Variants in NELL2 observed in about 807,000 individuals in gnomAD.
The protein encoded by NELL2 is protein kinase C-binding protein NELL2.
Under a neutral mutation model 109.6 loss-of-function variants are expected in NELL2, and 41 were observed. The ratio of observed to expected loss-of-function variants is 0.37; its 90% CI spans 0.29 to 0.49. The LOEUF (loss-of-function observed/expected upper bound fraction) is 0.49, where lower values mean the gene tolerates loss of function less well. Ranked by LOEUF, NELL2 falls within the 20% of genes least tolerant of loss-of-function variation. The pLI, the probability that NELL2 is intolerant of heterozygous loss-of-function variation, is 0.98. For missense variants in NELL2, 900 were observed against 1,008.3 expected (o/e 0.89, Z 1.45); for synonymous variants, 355 against 344.7 (o/e 1.03, Z -0.33).
chr12:44,596,355 T>C (rs1035878534), intron 15 of NELL2, among the ~76,000 whole-genome samples: 1 of 152,188 alleles, frequency 6.6e-6, no homozygotes, highest in East Asian at 1.9e-4. Context: ...AATTTTAATA[T>C]GACAGTCCTA....
At chr12:44,667,450 T>C (rs748178017) in intron 12 of NELL2, among the ~76,000 whole-genome samples, 2 of 152,200 alleles carry the variant, frequency 1.3e-5, no homozygotes, top group Non-Finnish European at 2.9e-5. Context: ...ATTAATGAAC[T>C]TGGCAGTGTT....
intron 2 of NELL2, among the ~76,000 whole-genome samples, chr12:44,858,871 A>G (rs1377218216): frequency 6.6e-6 from 1 of 152,244 alleles, no homozygotes; most frequent in Non-Finnish European, 1.5e-5. Flanking sequence ...AAATTTAACC[A>G]GAATGATAAG....
At chr12:44,865,055 T>C (rs1348272583) in intron 2 of NELL2, among the ~76,000 whole-genome samples, 1 of 135,104 alleles carries the variant, frequency 7.4e-6, no homozygotes, top group Non-Finnish European at 1.6e-5. Flanking sequence ...TTTTAATGAT[T>C]GCCATTCTAA....
intron 3 of NELL2, among the ~76,000 whole-genome samples, chr12:44,800,074 T>A (rs1218135307): frequency 6.6e-6 from 1 of 152,128 alleles, no homozygotes; most frequent in Non-Finnish European, 1.5e-5. Context: ...GACACATTAA[T>A]TCCACAAAGG....
intron 3 of NELL2, among the ~76,000 whole-genome samples, chr12:44,807,501 G>A (rs1943042104): frequency 6.6e-6 from 1 of 151,764 alleles, no homozygotes; most frequent in Non-Finnish European, 1.5e-5. Flanking sequence ...AAGAGCTATA[G>A]ACTCCTAAAA....
chr12:44,862,596 C>T (rs1285455031), intron 2 of NELL2, among the ~76,000 whole-genome samples: 4 of 152,078 alleles, frequency 2.6e-5, no homozygotes, highest in Non-Finnish European at 5.9e-5. Flanking sequence ...TTTGCTTCAG[C>T]CTCAAAAAGC....
At chr12:44,877,291 A>G (rs911854473), upstream of NELL2, among the ~76,000 whole-genome samples, 1 of 152,238 alleles carries the variant, frequency 6.6e-6, no homozygotes, top group Non-Finnish European at 1.5e-5. Flanking sequence ...GTCCGGGACC[A>G]TAAAAGTGGT....
intron 9 of NELL2, among the ~76,000 whole-genome samples, chr12:44,767,656 A>G (rs1217274511): frequency 1.3e-5 from 2 of 152,212 alleles, no homozygotes; most frequent in Non-Finnish European, 2.9e-5. Flanking sequence ...GGGAAGAAAT[A>G]AAATAATAAA....
intron 2 of NELL2, among the ~76,000 whole-genome samples, chr12:44,837,241 T>C (rs2408083): frequency 0.13 from 19,472 of 152,194 alleles, 1,544 homozygotes; most frequent in East Asian, 0.23. Flanking sequence ...TAGGTCAGAG[T>C]TTCTCAATCT....
chr12:44,776,674 A>G (rs1158743801), intron 7 of NELL2, among the ~76,000 whole-genome samples: 2 of 152,196 alleles, frequency 1.3e-5, no homozygotes, highest in Non-Finnish European at 2.9e-5. Context: ...GAAAGCATTT[A>G]TGGGACCATT....
chr12:44,584,258 T>C (rs1042799486), intron 15 of NELL2, among the ~76,000 whole-genome samples: 1 of 152,248 alleles, frequency 6.6e-6, no homozygotes, highest in African/African-American at 2.4e-5. Context: ...TCTACCTTTT[T>C]TAACACTGTA....
At chr12:44,567,792 C>T (rs932770966) in intron 15 of NELL2, among the ~76,000 whole-genome samples, 16 of 152,172 alleles carry the variant, frequency 1.1e-4, no homozygotes, top group Admixed American at 6.5e-5. Flanking sequence ...AAGCTACATA[C>T]GATTGCCCTG....
chr12:44,686,683 G>A lies in NELL2; in HGVS notation c.1318+17043C>T, dbSNP rs1948727786. 2.6e-5 allele frequency among the ~76,000 whole-genome samples: 4 copies of A among 151,712 alleles called. 1 individual carries two copies. Among genetic ancestry groups the A allele is most frequent in the Admixed American group, 2.6e-4 (4 of 15,266 alleles). ...GTTGGAGTACCCGGCCGTGTGAGGT[G>A]TCAGTCTGCCCCTGCTGGGGGGTGC... On this transcript the variant is annotated intron_variant, in intron 12 of 19. Coordinates refer to ENST00000429094, the MANE Select transcript of NELL2 (RefSeq NM_001145108.2).
intron 2 of NELL2, among the ~76,000 whole-genome samples, chr12:44,825,005 C>T (rs548614447): frequency 3.9e-5 from 6 of 152,244 alleles, no homozygotes; most frequent in South Asian, 4.1e-4. Context: ...CCACCGTGCC[C>T]GGCCTGTAGT....
intron 16 of NELL2, among the ~76,000 whole-genome samples, chr12:44,526,467 C>T (rs1282739031): frequency 6.6e-6 from 1 of 152,186 alleles, no homozygotes; most frequent in Non-Finnish European, 1.5e-5. Context: ...GACACAGCCA[C>T]ACAGCCAGTA....
chr12:44,700,651 A>G (rs1949202030), intron 12 of NELL2, among the ~76,000 whole-genome samples: 2 of 152,090 alleles, frequency 1.3e-5, no homozygotes, highest in African/African-American at 4.8e-5. Flanking sequence ...CTTCTTGTTC[A>G]AGCAAAATTT....
At position 44,508,516 on chromosome 12, in the gene NELL2, AT is replaced by A. The variant is rs1441007171; in HGVS notation, c.*417del. On this transcript the variant is annotated 3_prime_UTR_variant, in exon 20 of 20. Transcript: ENST00000429094. Reference sequence around the variant, plus strand: ...TAGCTTCTTTGCTTTACTTCTGAAAATATAATTCATTCACTGCCTGACATTT... The same window carrying A: ...TAGCTTCTTTGCTTTACTTCTGAAAAATAATTCATTCACTGCCTGACATTT... 1 of 159,914 alleles carries A rather than the reference AT, an allele frequency of 6.3e-6. No homozygotes were observed. Among genetic ancestry groups the A allele is most frequent in the African/African-American group, 2.4e-5 (1 of 41,626 alleles). The allele number at this position is 159,914 out of a possible 1,614,324, so 9.9% of individuals were successfully genotyped here.
At chr12:44,569,774 AAGATATCTATTATATTC>A (rs745442924) in intron 15 of NELL2, among the ~76,000 whole-genome samples, 2 of 152,276 alleles carry the variant, frequency 1.3e-5, no homozygotes, top group African/African-American at 4.8e-5. Flanking sequence ...TTTTTATGAG[AAGATATCTATTATATTC>A]AGAGAGGTCT....
At chr12:44,729,219 GATAA>G (rs1271639109) in intron 9 of NELL2, among the ~76,000 whole-genome samples, 2 of 152,064 alleles carry the variant, frequency 1.3e-5, no homozygotes, top group East Asian at 3.8e-4. Context: ...TGACATCAAT[GATAA>G]ATAGTGTAGG....
Sources: allele counts gnomAD v4.1 joint callset (sites outside exome capture counted in the v4.1 genomes callset), GRCh38; gene constraint gnomAD v4.1.1; transcripts MANE v1.5; gene names NCBI Gene and HGNC (gene_info 2026-07-23, HGNC 2026-07-21).